The following CROCC variants were observed in gnomAD, a reference collection of about 807,000 sequenced individuals.
CROCC encodes ciliary rootlet coiled-coil, rootletin, also known as rootletin.
A neutral mutation model predicts 245.2 loss-of-function variants in CROCC; 180 were observed. The ratio of observed to expected loss-of-function variants is 0.73; its 90% confidence interval spans 0.65 to 0.83. CROCC has a LOEUF of 0.83. Among genes scored for constraint, CROCC ranks in the 40% least tolerant of loss-of-function variants. CROCC has a pLI of 0.00. For synonymous variants in CROCC, 1,205 were observed against 1,241.6 expected, an observed-to-expected ratio of 0.97 and a Z score of 0.62; for missense variants, 2,688 against 2,779.4, an observed-to-expected ratio of 0.97 and a Z score of 0.74.
Position 16,922,562 on chromosome 1 carries a change from G to A in CROCC, c.61-101G>A, listed in dbSNP as rs1162306652. ...TTCACTCCATCTTGAGGGGGCTCCTGGGGACCTGTATCTTGGGCAGTAGGA... is the reference window on the plus strand; with the variant it reads ...TTCACTCCATCTTGAGGGGGCTCCTAGGGACCTGTATCTTGGGCAGTAGGA... On this transcript the variant is annotated intron_variant, in intron 1 of 36. Transcript: ENST00000375541. The A allele has an allele frequency of 8.2e-6, 12 of 1,463,732 alleles. No homozygotes were observed. The African/African-American group carries it at 1.4e-4, about 17-fold the overall frequency. 90.7% of individuals were successfully genotyped at this position (1,463,732 alleles called of 1,614,324 possible). A position where few individuals can be genotyped will look rare whatever the true frequency, so the allele number is the denominator to read the frequency against.
At chr1:16,926,504 G>C (rs1160256822) in intron 3 of CROCC, among the ~76,000 whole-genome samples, 1 of 152,262 alleles carries the variant, frequency 6.6e-6, no homozygotes, top group Non-Finnish European at 1.5e-5. Flanking sequence ...GGCAGTCAGC[G>C]AGATTGTTCT....
intron 8 of CROCC, among the ~76,000 whole-genome samples, chr1:16,933,413 G>C (rs571259377): frequency 2.0e-5 from 3 of 152,366 alleles, no homozygotes; most frequent in Non-Finnish European, 2.9e-5. Context: ...GTTTCAGTGA[G>C]CCGAGATAAC....
chr1:16,931,947 A>G (rs1451366968), intron 8 of CROCC, among the ~76,000 whole-genome samples: 2 of 147,152 alleles, frequency 1.4e-5, no homozygotes, highest in South Asian at 4.3e-4. Context: ...TTTGTATTTT[A>G]GTAGAGACGG....
In CROCC at chr1:16,931,194, G is replaced by A. The variant is rs1158100314; in HGVS notation, c.850-97G>A. 10 of 1,093,306 alleles carry A rather than the reference G, an allele frequency of 9.1e-6. No individual in the cohort carries two copies. The East Asian group carries it at 9.9e-5, about 11-fold the overall frequency. The allele number at this position is 1,093,306 out of a possible 1,614,324, so 67.7% of individuals were successfully genotyped here. The stretch of plus-strand genomic sequence containing the variant: ...CCACAGGAAGACCCAATCCCTGAAC[G>A]ACGGTGCCTCCCAGGATGGTCGGAG... On this transcript the variant is annotated intron_variant, in intron 7 of 36. Coordinates refer to ENST00000375541, the MANE Select transcript of CROCC (RefSeq NM_014675.5).
In CROCC at chr1:16,971,467, G is replaced by T. The variant is rs1337049595; in HGVS notation, c.5787G>T (p.Ala1929=). The change falls in exon 36 of 37, where the codon GCG becomes GCT. Residue 1929 remains alanine, a splice_region_variant and synonymous_variant. Transcript: ENST00000375541. Reference sequence around the variant, plus strand: ...CGGACCACAGCCCCTCCCTGCAGGCGCAGGTGGTGGTGCTGGAGCAGAGCC... The same window carrying T: ...CGGACCACAGCCCCTCCCTGCAGGCTCAGGTGGTGGTGCTGGAGCAGAGCC... ...EAQRQIQQLE[A]QVVVLEQSHS... 1.3e-6 allele frequency: 2 copies of T among 1,533,608 alleles called. No individual in the cohort carries two copies. Among genetic ancestry groups the T allele is most frequent in the African/African-American group, 1.4e-5 (1 of 72,894 alleles).
intron 11 of CROCC, 28 bp downstream of exon 11, chr1:16,938,511 G>A (rs1403576183): frequency 2.0e-5 from 31 of 1,541,942 alleles, no homozygotes; most frequent in Non-Finnish European, 2.5e-5. Flanking sequence ...CGGGAAGACA[G>A]CGCCCTGCCA....
In CROCC at chr1:16,940,007, G is replaced by A. The variant is rs1325486884; in HGVS notation, c.1722G>A (p.Arg574=). 3 of 1,611,896 alleles carry A rather than the reference G, an allele frequency of 1.9e-6. No individual in the cohort carries two copies. Among genetic ancestry groups the A allele is most frequent in the South Asian group, 2.2e-5 (2 of 91,020 alleles). Reference sequence around the variant, plus strand: ...TAGAGGAACAGCTGCAGCGCCTGCGGGACAAGACCGACGGCGCCATGCAGG... The same window carrying A: ...TAGAGGAACAGCTGCAGCGCCTGCGAGACAAGACCGACGGCGCCATGCAGG... ...RALEEQLQRL[R]DKTDGAMQAH... is the part of the protein sequence containing the mutation. The change falls in exon 13 of 37, where the codon CGG becomes CGA. Residue 574 remains arginine, a synonymous_variant. Transcript: ENST00000375541.
intron 31 of CROCC, 27 bp from the exon 32 acceptor site, chr1:16,969,089 C>A: frequency 6.4e-7 from 1 of 1,572,748 alleles, no homozygotes; most frequent in East Asian, 2.3e-5. Flanking sequence ...GGAACAGCCC[C>A]GATTGTTCTG....
chr1:16,925,832 C>T (rs1318165098), intron 3 of CROCC, among the ~76,000 whole-genome samples: 2 of 152,242 alleles, frequency 1.3e-5, no homozygotes, highest in East Asian at 1.9e-4. Flanking sequence ...CAGTGGAGAG[C>T]TCGTTTCCCC....
At chr1:16,950,698 C>T (rs1184603571) in intron 19 of CROCC, among the ~76,000 whole-genome samples, 1 of 152,334 alleles carries the variant, frequency 6.6e-6, no homozygotes, top group East Asian at 1.9e-4. Flanking sequence ...ATTTGGGAGG[C>T]CTTCTCATCA....
Position 16,963,263 on chromosome 1 carries a change from C to A in CROCC, c.4405+2133C>A, listed in dbSNP as rs578188697. 3.1e-3 allele frequency among the ~76,000 whole-genome samples: 464 copies of A among 150,584 alleles called. 6 individuals are homozygous for A. The highest frequency in any genetic ancestry group is 0.011 in the African/African-American group (442 of 41,026). ...TCATGCGGGGGCAGCAGGTGCCTCA[C>A]TGAGGAGGTGATGGGTAAGGGGAGA... On this transcript the variant is annotated intron_variant, in intron 27 of 36. Transcript: ENST00000375541.
intron 1 of CROCC, among the ~76,000 whole-genome samples, chr1:16,916,400 C>G (rs746305699): frequency 1.3e-5 from 2 of 152,268 alleles, no homozygotes; most frequent in African/African-American, 2.4e-5. Flanking sequence ...TAGAGACCCT[C>G]GGGGAGCCAT....
intron 13 of CROCC, chr1:16,940,656 G>A (rs755202780): frequency 4.3e-5 from 10 of 231,192 alleles, no homozygotes; most frequent in Admixed American, 2.3e-4. Flanking sequence ...CCAAAGTGCT[G>A]GGATTACAGG....
chr1:16,938,512 C>T (rs753610611), intron 11 of CROCC, 29 bp downstream of exon 11: 19 of 1,538,244 alleles, frequency 1.2e-5, no homozygotes, highest in East Asian at 4.8e-5. Context: ...GGGAAGACAG[C>T]GCCCTGCCAG....
chr1:16,972,340 AC>A lies in CROCC; in HGVS notation c.5968-18del. On this transcript the variant is annotated intron_variant, in intron 36 of 36. Transcript: ENST00000375541. Reference sequence around the variant, plus strand: ...CCAGGCTGAGGACCTGGCTGGCCTTACCTTCCCTTTCTTCCCCAGGTGTCCA... The same window carrying A: ...CCAGGCTGAGGACCTGGCTGGCCTTACTTCCCTTTCTTCCCCAGGTGTCCA... 1.9e-6 allele frequency: 3 copies of A among 1,610,252 alleles called. No individual in the cohort carries two copies. The highest frequency in any genetic ancestry group is 1.7e-6 in the Non-Finnish European group (2 of 1,176,900).
rs904712299 is a variant in CROCC at position 16,944,083 on chromosome 1, C to A, written c.1809-17C>A. 3.3e-6 allele frequency: 5 copies of A among 1,529,242 alleles called. No individual in the cohort carries two copies. Among genetic ancestry groups the A allele is most frequent in the African/African-American group, 1.4e-5 (1 of 73,334 alleles). The allele number at this position is 1,529,242 out of a possible 1,614,324, so 94.7% of individuals were successfully genotyped here. On this transcript the variant is annotated splice_polypyrimidine_tract_variant and intron_variant, in intron 13 of 36. Transcript: ENST00000375541. ...AGCCCCAGCATCCCCTCTGCTCCCC[C>A]TCCCCTTGTCCTGAAGGGAGAAGAG...
At position 16,930,329 on chromosome 1, in the gene CROCC, T is replaced by C. The variant is rs1570602290; in HGVS notation, c.665T>C (p.Leu222Pro). The change falls in exon 6 of 37, where the codon CTG becomes CCG. Residue 222 changes from leucine (L) to proline (P), a missense_variant. This residue lies in a region of CROCC where 972 missense variants were observed against 895.3 expected (regional missense o/e 1.09). Coordinates refer to ENST00000375541, the MANE Select transcript of CROCC (RefSeq NM_014675.5). ...SQDLESALIR[L>P]EEEQQRSASL... ...GACCTGGAAAGCGCCCTCATCCGGC[T>C]GGAGGAGGAGCAGCAGAGGTGAGGG... 1 of 1,610,184 alleles carries C rather than the reference T, an allele frequency of 6.2e-7. No homozygotes were observed. Among genetic ancestry groups the C allele is most frequent in the East Asian group, 2.2e-5 (1 of 44,856 alleles).
At position 16,966,600 on chromosome 1, in the gene CROCC, G is replaced by A. The variant is rs758123555; in HGVS notation, c.4860+29G>A. The A allele has an allele frequency of 2.6e-5, 38 of 1,452,700 alleles. No individual in the cohort carries two copies. The highest frequency in any genetic ancestry group is 4.0e-4 in the Middle Eastern group (2 of 5,024). The allele number at this position is 1,452,700 out of a possible 1,614,324, so 90.0% of individuals were successfully genotyped here. On this transcript the variant is annotated intron_variant, in intron 30 of 36. Coordinates refer to ENST00000375541, the MANE Select transcript of CROCC (RefSeq NM_014675.5). This position sits in a 1 kb window ranked among gnomAD's most constrained non-coding sequence, Gnocchi z 4.8. ...GGCAGGAGCTGAGGGCCAGCGGGGC[G>A]ACGGGGAATCTGTGTACCCGAGTGA... is the stretch of plus-strand genomic sequence containing the variant.
In CROCC at chr1:16,946,842, C is replaced by A. The variant is rs755410660; in HGVS notation, c.2365C>A (p.Arg789=). 6.7e-5 allele frequency: 104 copies of A among 1,554,282 alleles called. No individual in the cohort carries two copies. The highest frequency in any genetic ancestry group is 8.4e-5 in the Non-Finnish European group (96 of 1,148,760). ...EATVAREEQE[R]LEELRLEQEV... is the part of the protein sequence containing the mutation. ...CACAGTGGCGCGGGAAGAGCAGGAA[C>A]GGCTAGAGGAGCTGCGGTTGGAGCA... The change falls in exon 17 of 37, where the codon CGG becomes AGG. Residue 789 remains arginine, a synonymous_variant. Coordinates refer to ENST00000375541, the MANE Select transcript of CROCC (RefSeq NM_014675.5).
Sources: allele counts gnomAD v4.1 joint callset (sites outside exome capture counted in the v4.1 genomes callset), GRCh38; gene constraint gnomAD v4.1.1; regional missense constraint gnomAD v4.1.1; non-coding constraint Gnocchi (gnomAD v3.1); transcripts MANE v1.5; gene names NCBI Gene and HGNC (gene_info 2026-07-23, HGNC 2026-07-21).